EEIG2: variants seen among roughly 807,000 people sequenced by gnomAD.
EEIG2 encodes the protein EEIG family member 2, also known as family with sequence similarity 102 member B.
the EEIG2 span, among the ~76,000 whole-genome samples, chr1:108,602,380 C>G: frequency 6.6e-6 from 1 of 152,136 alleles, no homozygotes; most frequent in African/African-American, 2.4e-5. Flanking sequence ...GAGAAACTCT[C>G]ACACCTCTCG....
chr1:108,563,818 A>C, the EEIG2 span, among the ~76,000 whole-genome samples: 1 of 152,238 alleles, frequency 6.6e-6, no homozygotes, highest in Non-Finnish European at 1.5e-5. Flanking sequence ...TGACAGTAGA[A>C]GACAGTGTGA....
chr1:108,592,868 G>A, the EEIG2 span, among the ~76,000 whole-genome samples: 7 of 152,104 alleles, frequency 4.6e-5, no homozygotes, highest in African/African-American at 9.7e-5. Flanking sequence ...GGCTGGGTGT[G>A]GTGACTTGGC....
chr1:108,604,884 G>GA, the EEIG2 span, among the ~76,000 whole-genome samples: 5 of 145,258 alleles, frequency 3.4e-5, no homozygotes, highest in African/African-American at 7.6e-5. Context: ...AAAAAAAAGA[G>GA]AAAAAAAAAA....
At chr1:108,568,809 G>C in the EEIG2 span, among the ~76,000 whole-genome samples, 1 of 152,236 alleles carries the variant, frequency 6.6e-6, no homozygotes. Flanking sequence ...CCAGCCACTG[G>C]GAAGGAGGAG....
At chr1:108,582,458 AATAT>A in the EEIG2 span, among the ~76,000 whole-genome samples, 1 of 152,200 alleles carries the variant, frequency 6.6e-6, no homozygotes, top group Admixed American at 6.5e-5. Context: ...AATCTGCCAT[AATAT>A]ATATAGTGGC....
At chr1:108,568,250 G>A in the EEIG2 span, among the ~76,000 whole-genome samples, 1 of 152,134 alleles carries the variant, frequency 6.6e-6, no homozygotes, top group Admixed American at 6.5e-5. Flanking sequence ...ATCTGTTGTA[G>A]TTTTGCTAAA....
the EEIG2 span, chr1:108,624,743 T>G: frequency 6.2e-7 from 1 of 1,613,434 alleles, no homozygotes; most frequent in South Asian, 1.1e-5. Context: ...CATCTTGGAA[T>G]AGCAGGTATG....
At chr1:108,624,070 A>G in the EEIG2 span, among the ~76,000 whole-genome samples, 1 of 152,232 alleles carries the variant, frequency 6.6e-6, no homozygotes, top group Non-Finnish European at 1.5e-5. Flanking sequence ...AACCAATGAA[A>G]ATAGATCCAT....
the EEIG2 span, chr1:108,631,132 TCTG>T: frequency 2.5e-6 from 1 of 400,710 alleles, no homozygotes; most frequent in South Asian, 1.8e-5. Flanking sequence ...GATTGACTCA[TCTG>T]CTTATTAAAT....
At chr1:108,588,898 A>C in the EEIG2 span, among the ~76,000 whole-genome samples, 3 of 152,060 alleles carry the variant, frequency 2.0e-5, no homozygotes, top group African/African-American at 7.2e-5. Flanking sequence ...TCACTGAATA[A>C]AAACCCTGCA....
the EEIG2 span, chr1:108,637,429 C>T: frequency 6.6e-6 from 1 of 151,902 alleles, no homozygotes; most frequent in Non-Finnish European, 1.5e-5. Flanking sequence ...GTCTGCCTTA[C>T]TTTCTGATTG....
the EEIG2 span, among the ~76,000 whole-genome samples, chr1:108,632,135 A>AGGAGG: frequency 1.5e-5 from 1 of 67,630 alleles, no homozygotes; most frequent in Non-Finnish European, 2.6e-5. Flanking sequence ...AAAAAAAAAA[A>AGGAGG]AGAAGAAGAA....
At chr1:108,571,729 C>A in the EEIG2 span, among the ~76,000 whole-genome samples, 1 of 151,986 alleles carries the variant, frequency 6.6e-6, no homozygotes, top group Non-Finnish European at 1.5e-5. Context: ...TAGGTCCTGC[C>A]GCCCACTTCC....
At chr1:108,602,884 AG>A in the EEIG2 span, among the ~76,000 whole-genome samples, 1 of 145,588 alleles carries the variant, frequency 6.9e-6, no homozygotes, top group African/African-American at 2.5e-5. Context: ...AAAAAAAAAA[AG>A]AAGACCTTAC....
chr1:108,616,844 G>GA, the EEIG2 span, among the ~76,000 whole-genome samples: 1 of 152,134 alleles, frequency 6.6e-6, no homozygotes, highest in South Asian at 2.1e-4. Flanking sequence ...GAGGAAAATG[G>GA]ACAATAAGCT....
the EEIG2 span, among the ~76,000 whole-genome samples, chr1:108,602,980 A>G: frequency 6.6e-6 from 1 of 152,182 alleles, no homozygotes; most frequent in Non-Finnish European, 1.5e-5. Flanking sequence ...AACCCATAAC[A>G]GGCCCTAAAG....
chr1:108,607,110 C>T, the EEIG2 span, among the ~76,000 whole-genome samples: 1 of 152,234 alleles, frequency 6.6e-6, no homozygotes, highest in Non-Finnish European at 1.5e-5. Context: ...GTGAGATAGA[C>T]TTGCTTCAAA....
At chr1:108,584,253 G>A in the EEIG2 span, among the ~76,000 whole-genome samples, 1 of 152,068 alleles carries the variant, frequency 6.6e-6, no homozygotes, top group East Asian at 1.9e-4. Context: ...TGAGGCAAAG[G>A]ATTAGTGTAA....
At chr1:108,628,323 GT>G in the EEIG2 span, 1 of 1,611,522 alleles carries the variant, frequency 6.2e-7, no homozygotes, top group Non-Finnish European at 8.5e-7. Context: ...AACTGCTGTG[GT>G]GTGGGGGAAC....
Sources: allele counts gnomAD v4.1 joint callset (sites outside exome capture counted in the v4.1 genomes callset), GRCh38; gene constraint gnomAD v4.1.1; transcripts MANE v1.5; gene names NCBI Gene and HGNC (gene_info 2026-07-23, HGNC 2026-07-21).